MAP4K2: variants seen among roughly 807,000 people sequenced by gnomAD.
MAP4K2 encodes the protein mitogen-activated protein kinase kinase kinase kinase 2.
Under a neutral mutation model 125.3 loss-of-function variants are expected in MAP4K2, and 85 were observed. The ratio of observed to expected loss-of-function variants is 0.68; its 90% CI spans 0.57 to 0.81. The LOEUF is 0.81. MAP4K2 is among the 40% of genes least tolerant of loss of function. The pLI is 0.00. For missense variants in MAP4K2, 923 were observed against 1,056.4 expected (o/e 0.87, Z 1.75); for synonymous variants, 479 against 445.1 (o/e 1.08, Z -0.96).
chr11:64,790,083 G>A, intron 29 of MAP4K2, 105 bp downstream of exon 29: 1 of 1,531,592 alleles, frequency 6.5e-7, no homozygotes, highest in Non-Finnish European at 9.0e-7. Flanking sequence ...CTCAGGAGAG[G>A]GGCTAGGGGA....
rs1465683730 is a variant in MAP4K2, at chr11:64,797,552, G to C, written c.1137-18C>G. On this transcript the variant is annotated intron_variant, in intron 16 of 31. Transcript: ENST00000294066. ...TCAGACTCCTGTGGGAGGGAGATGA[G>C]GCGTGAGGCATGAGGTGTGACTGGC... The C allele has an allele frequency of 4.5e-6, 7 of 1,572,744 alleles. No individual in the cohort carries two copies. In the Admixed American group the frequency reaches 9.3e-5, roughly 21 times the overall value.
chr11:64,798,443 C>T (rs1940960809), intron 15 of MAP4K2, among the ~76,000 whole-genome samples: 1 of 152,208 alleles, frequency 6.6e-6, no homozygotes. Context: ...GGATTACAGG[C>T]GTAAGCCACC....
chr11:64,796,903 A>T lies in MAP4K2; in HGVS notation c.1408-10T>A, dbSNP rs767197016. The stretch of plus-strand genomic sequence containing the variant: ...AGAAGCAGGCGCCCATCTGCAGAGG[A>T]GGCAAGAGGCTGGCGAGGGAGTGCA... On this transcript the variant is annotated splice_polypyrimidine_tract_variant and intron_variant, in intron 20 of 31. Coordinates refer to ENST00000294066, the MANE Select transcript of MAP4K2 (RefSeq NM_004579.5). The T allele has an allele frequency of 2.5e-6, 4 of 1,613,986 alleles. No homozygotes were observed. The South Asian group carries it at 4.4e-5, about 18-fold the overall frequency.
In MAP4K2 at chr11:64,803,196, A is replaced by G. The variant is rs1344768778; in HGVS notation, c.-47T>C. The G allele has an allele frequency of 1.4e-4, 121 of 872,564 alleles. No individual in the cohort carries two copies. Among genetic ancestry groups the G allele is most frequent in the East Asian group, 1.4e-3 (12 of 8,806 alleles). 54.1% of individuals were successfully genotyped at this position (872,564 alleles called of 1,614,324 possible). On this transcript the variant is annotated 5_prime_UTR_variant, in exon 1 of 32. Coordinates refer to ENST00000294066, the MANE Select transcript of MAP4K2 (RefSeq NM_004579.5). ...GCAGGCGGGCGGGCGCGAGCTGCGG[A>G]GCCGGCGCGGGGCGGCGCGGGGCGG...
Position 64,799,606 on chromosome 11 carries a change from C to G in MAP4K2, c.993G>C (p.Gln331His), listed in dbSNP as rs1422022251. Residue 331 changes from glutamine to histidine, a missense_variant and splice_region_variant, in exon 13 of 32, where the codon CAG becomes CAC. Around this residue, in one of 2 missense-constraint regions of MAP4K2, gnomAD observed 833 missense variants for 911.4 expected, o/e 0.91. Coordinates refer to ENST00000294066, the MANE Select transcript of MAP4K2 (RefSeq NM_004579.5). ...GPAERTPSEI[Q>H]FHQVKFGAPR... is the part of the protein sequence containing the mutation. Reference sequence around the variant, plus strand: ...ACACAGCCCCTGCTGCAGACTCACACTGGATCTCCGAGGGGGTCCTCTCGG... The same window carrying G: ...ACACAGCCCCTGCTGCAGACTCACAGTGGATCTCCGAGGGGGTCCTCTCGG... 4 of 1,613,946 alleles carry G rather than the reference C, an allele frequency of 2.5e-6. No homozygotes were observed. The Admixed American group carries it at 5.0e-5, about 20-fold the overall frequency.
At position 64,789,694 on chromosome 11, in the gene MAP4K2, G is replaced by A. The variant is rs1592570820; in HGVS notation, c.2375+36C>T. On this transcript the variant is annotated intron_variant, in intron 31 of 31. Coordinates refer to ENST00000294066, the MANE Select transcript of MAP4K2 (RefSeq NM_004579.5). ...CATCAGCCCCTTCTCTGGCCTCAGG[G>A]GCATCTGAAGGGGAGGCTAGGGTAC... 13 of 1,613,896 alleles carry A rather than the reference G, an allele frequency of 8.1e-6. No individual in the cohort carries two copies. The East Asian group carries it at 2.9e-4, about 36-fold the overall frequency.
chr11:64,789,458 G>C lies in MAP4K2; in HGVS notation c.*79C>G, dbSNP rs1940339570. The C allele has an allele frequency of 7.7e-7, 1 of 1,298,380 alleles. No individual in the cohort carries two copies. Among genetic ancestry groups the C allele is most frequent in the African/African-American group, 1.5e-5 (1 of 67,922 alleles). The allele number at this position is 1,298,380 out of a possible 1,614,324, so 80.4% of individuals were successfully genotyped here. A position where few individuals can be genotyped will look rare whatever the true frequency, so the allele number is the denominator to read the frequency against. On this transcript the variant is annotated 3_prime_UTR_variant, in exon 32 of 32. Coordinates refer to ENST00000294066, the MANE Select transcript of MAP4K2 (RefSeq NM_004579.5). Reference sequence around the variant, plus strand: ...CCAGGGCCTGGGCTCCTCTGGTCTAGGATGGGCCCCTTTGCCCAAAAGGGC... The same window carrying C: ...CCAGGGCCTGGGCTCCTCTGGTCTACGATGGGCCCCTTTGCCCAAAAGGGC...
chr11:64,798,976 G>A (rs1395035371), intron 14 of MAP4K2, 139 bp from the exon 15 acceptor site: 4 of 742,832 alleles, frequency 5.4e-6, no homozygotes, highest in Non-Finnish European at 6.7e-6. Flanking sequence ...GAAGATGAGA[G>A]AGACAGACAG....
chr11:64,802,825 C>A (rs184548263), intron 2 of MAP4K2, 60 bp downstream of exon 2: 3 of 1,550,740 alleles, frequency 1.9e-6, no homozygotes. Flanking sequence ...TCCGCCCGCA[C>A]CCCGCGCCCG....
Position 64,801,126 on chromosome 11 carries a change from A to G in MAP4K2, c.515T>C (p.Ile172Thr), listed in dbSNP as rs1470651116. The change falls in exon 8 of 32, where the codon ATT (isoleucine) becomes ACT (threonine). Residue 172 changes from isoleucine (I) to threonine (T), a missense_variant. Ile to Thr is a moderately conservative substitution (Grantham distance 89). This residue lies in a region of MAP4K2 where 833 missense variants were observed against 911.4 expected (regional missense o/e 0.91). Coordinates refer to ENST00000294066, the MANE Select transcript of MAP4K2 (RefSeq NM_004579.5). ...TASVAKRRSF[I>T]GTPYWMAPEV... ...GCAGCCTCACCAGTAGGGAGTCCCA[A>G]TGAAAGACCTCCTCTTGGCCACAGA... 11 of 1,613,440 alleles carry G rather than the reference A, an allele frequency of 6.8e-6. 1 individual carries two copies. Among genetic ancestry groups the G allele is most frequent in the East Asian group, 4.5e-5 (2 of 44,894 alleles).
rs1940351736 is a variant in MAP4K2 at position 64,789,606 on chromosome 11, G to C, written c.2394C>G (p.Ser798Arg). 1 of 1,608,432 alleles carries C rather than the reference G, an allele frequency of 6.2e-7. No individual in the cohort carries two copies. The highest frequency in any genetic ancestry group is 1.3e-5 in the African/African-American group (1 of 74,882). The change falls in exon 32 of 32, where the codon AGC becomes AGG. Residue 798 changes from serine to arginine, a missense_variant. Physicochemically the swap from Ser to Arg is moderately radical, Grantham distance 110. This residue lies in a region of MAP4K2 where 90 missense variants were observed against 144.9 expected (regional missense o/e 0.62). Transcript: ENST00000294066. ...LGAHRDIILE[S>R]IPTDNPEAHS... ...GCGCCTCTGGGTTGTCAGTGGGAAT[G>C]CTCTCCAGGATGATGTCTCTGGAGG... is the stretch of plus-strand genomic sequence containing the variant.
At position 64,801,092 on chromosome 11, in the gene MAP4K2, GC is replaced by G. The variant is rs759595050; in HGVS notation, c.530+18del. The stretch of plus-strand genomic sequence containing the variant: ...CCTGCTCTGTGGCCCCTACCCCTCC[GC>G]CCCAGGCGCAGCCTCACCAGTAGGG... On this transcript the variant is annotated intron_variant, in intron 8 of 31. Coordinates refer to ENST00000294066, the MANE Select transcript of MAP4K2 (RefSeq NM_004579.5). 2.5e-6 allele frequency: 4 copies of G among 1,613,534 alleles called. No homozygotes were observed.
chr11:64,799,742 T>TC, intron 12 of MAP4K2, 59 bp from the exon 13 acceptor site: 1 of 1,413,742 alleles, frequency 7.1e-7, no homozygotes, highest in African/African-American at 1.4e-5. Flanking sequence ...CCGGGGCTGC[T>TC]CTAGGAGCTT....
rs760101743 is a variant in MAP4K2, at chr11:64,800,187, C to T, written c.837G>A (p.Arg279=). 2.4e-5 allele frequency: 38 copies of T among 1,613,074 alleles called. No individual in the cohort carries two copies. The highest frequency in any genetic ancestry group is 3.1e-5 in the Non-Finnish European group (37 of 1,179,764). ...QHPFTTQQLP[R]ALLTQLLDKA... ...TGTCCAGCAGCTGTGTGAGGAGGGCCCGAGGGAGCTGCTGAGTCGTGAACG... is the reference window on the plus strand; with the variant it reads ...TGTCCAGCAGCTGTGTGAGGAGGGCTCGAGGGAGCTGCTGAGTCGTGAACG... The change falls in exon 12 of 32, where the codon CGG becomes CGA. Residue 279 remains arginine (R), a synonymous_variant. Coordinates refer to ENST00000294066, the MANE Select transcript of MAP4K2 (RefSeq NM_004579.5).
chr11:64,802,224 G>A (rs772895823), intron 4 of MAP4K2, 103 bp from the exon 5 acceptor site: 115 of 1,200,138 alleles, frequency 9.6e-5, no homozygotes, highest in Middle Eastern at 7.6e-4. Context: ...AAATGAAAGC[G>A]GTGTTGGCCA....
rs1306843418 is a variant in MAP4K2, at chr11:64,790,030, C to T, written c.2249-71G>A. 27 of 1,584,644 alleles carry T rather than the reference C, an allele frequency of 1.7e-5. No individual in the cohort carries two copies. In the South Asian group the frequency reaches 2.7e-4, roughly 16 times the overall value. On this transcript the variant is annotated intron_variant, in intron 29 of 31. Transcript: ENST00000294066. ...CCCTCAGCCACGCCTGAGCCTGGGT[C>T]TGGGCCACAGGGGTCCTCACTGACC...
intron 6 of MAP4K2, 23 bp downstream of exon 6, chr11:64,801,687 A>G: frequency 6.2e-7 from 1 of 1,613,792 alleles, no homozygotes; most frequent in Non-Finnish European, 8.5e-7. Flanking sequence ...CCTCCCCAGG[A>G]GTGCCCCCAG....
chr11:64,797,768 C>T (rs582980), intron 15 of MAP4K2, 104 bp from the exon 16 acceptor site: 159,276 of 1,135,568 alleles, frequency 0.14, 18,583 homozygotes, highest in East Asian at 0.62. Context: ...TGCAGTGGCG[C>T]AATCGCGGCT....
Position 64,791,990 on chromosome 11 carries a change from G to A in MAP4K2, c.2011C>T (p.Pro671Ser). 1 of 1,601,660 alleles carries A rather than the reference G, an allele frequency of 6.2e-7. No individual in the cohort carries two copies. The highest frequency in any genetic ancestry group is 8.5e-7 in the Non-Finnish European group (1 of 1,174,694). The change falls in exon 27 of 32, where the codon CCT becomes TCT. Residue 671 changes from proline to serine, a missense_variant. By Grantham distance (74) the Pro-to-Ser change is moderately conservative (BLOSUM62 -1). Transcript: ENST00000294066. The part of the protein sequence containing the change: ...LPQVCVGAEG[P>S]EGPGCRVLFH... ...AGGACGCGGCAGCCGGGCCCCTCAG[G>A]CCCCTCGGCCCCAACACACACCTGC...
Sources: gnomAD v4.1 joint callset for allele counts (sites outside exome capture counted in the v4.1 genomes callset) on GRCh38, gnomAD v4.1.1 for gene constraint, gnomAD v4.1.1 regional missense constraint, MANE v1.5 for transcripts, NCBI Gene and HGNC (gene_info 2026-07-23, HGNC 2026-07-21) for gene names.